The following NALF1 variants were observed in gnomAD, a reference collection of about 807,000 sequenced individuals.
NALF1 encodes the protein family with sequence similarity 155 member A.
Under a neutral mutation model 48.4 loss-of-function variants are expected in NALF1, and 3 were observed. The ratio of observed to expected loss-of-function variants is 0.06; its 90% CI spans 0.03 to 0.16. The LOEUF (loss-of-function observed/expected upper bound fraction) is 0.16, where lower values mean the gene tolerates loss of function less well. NALF1 is among the 10% of genes least tolerant of loss of function. The pLI is 1.00. For synonymous variants in NALF1, 262 were observed against 245.7 expected, an observed-to-expected ratio of 1.07 and a Z score of -0.62; for missense variants, 526 against 571.5, an observed-to-expected ratio of 0.92 and a Z score of 0.81.
intron 1 of NALF1, among the ~76,000 whole-genome samples, chr13:107,500,184 A>C (rs192706468): frequency 2.0e-5 from 3 of 152,324 alleles, no homozygotes; most frequent in Admixed American, 2.0e-4. Flanking sequence ...GTTTTGTTGT[A>C]AAAATTAATG....
intron 1 of NALF1, among the ~76,000 whole-genome samples, chr13:107,762,442 T>TA (rs145529242): frequency 0.059 from 8,984 of 151,482 alleles, 380 homozygotes; most frequent in South Asian, 0.089. Flanking sequence ...AAAATTAAAT[T>TA]AAAAAAAAGG....
intron 1 of NALF1, among the ~76,000 whole-genome samples, chr13:107,515,939 C>A (rs1876037255): frequency 6.6e-6 from 1 of 152,152 alleles, no homozygotes; most frequent in East Asian, 1.9e-4. Context: ...CTGAAAAAAT[C>A]TCACAAAGAG....
intron 1 of NALF1, chr13:107,789,074 T>C (rs1878156128): frequency 6.6e-6 from 1 of 152,126 alleles, no homozygotes; most frequent in Non-Finnish European, 1.5e-5. Context: ...GACCTCTCCC[T>C]CGGGTTGCCG....
intron 1 of NALF1, among the ~76,000 whole-genome samples, chr13:107,238,833 G>T (rs1368188427): frequency 2.0e-5 from 3 of 152,170 alleles, no homozygotes; most frequent in Non-Finnish European, 4.4e-5. Context: ...AAGAAACTTG[G>T]ACTTAGCTTG....
intron 1 of NALF1, among the ~76,000 whole-genome samples, chr13:107,797,054 A>G (rs769210640): frequency 7.9e-5 from 12 of 152,182 alleles, no homozygotes; most frequent in Non-Finnish European, 1.6e-4. Context: ...TGTTTGTTTC[A>G]AAGATCATGG....
chr13:107,171,866 A>C lies in NALF1; in HGVS notation c.1088-1080T>G, dbSNP rs114416261. ...AACTTAAAAATGGGGATAATAGTAG[A>C]GTTGTTGTAAGGATTACATGAGATT... On this transcript the variant is annotated intron_variant, in intron 2 of 2. Transcript: ENST00000375915. Among the ~76,000 whole-genome samples the C allele has an allele frequency of 6.5e-3, 992 of 152,314 alleles. 10 individuals carry two copies. Among genetic ancestry groups the C allele is most frequent in the African/African-American group, 0.023 (952 of 41,566 alleles).
At chr13:107,853,132 A>T (rs1248504420) in intron 1 of NALF1, among the ~76,000 whole-genome samples, 1 of 152,218 alleles carries the variant, frequency 6.6e-6, no homozygotes, top group Non-Finnish European at 1.5e-5. Flanking sequence ...TGAGTGCTGT[A>T]TAGTGTCTTC....
rs553256795 is a variant in NALF1 at position 107,222,169 on chromosome 13, C to T, written c.916-11414G>A. Among the ~76,000 whole-genome samples the T allele has an allele frequency of 4.5e-4, 68 of 152,246 alleles. 1 individual carries two copies. The highest frequency in any genetic ancestry group is 1.5e-3 in the African/African-American group (62 of 41,550). ...CAGAATTATATCTGGAAAAAACAAT[C>T]GCCTATCACTAGAAGTAACCGCCGC... On this transcript the variant is annotated intron_variant, in intron 1 of 2. Transcript: ENST00000375915.
chr13:107,315,574 G>A (rs2138908260), intron 1 of NALF1, among the ~76,000 whole-genome samples: 1 of 152,078 alleles, frequency 6.6e-6, no homozygotes, highest in South Asian at 2.1e-4. Flanking sequence ...AATTTCCAAG[G>A]TACTTTGTTG....
In NALF1 at chr13:107,169,271, T is replaced by C. The variant is rs1878739630; in HGVS notation, c.*1226A>G. 6.6e-6 allele frequency: 1 copy of C among 152,242 alleles called. No individual in the cohort carries two copies. The highest frequency in any genetic ancestry group is 2.4e-5 in the African/African-American group (1 of 41,450). The allele number at this position is 152,242 out of a possible 1,614,324, so 9.4% of individuals were successfully genotyped here. A position where few individuals can be genotyped will look rare whatever the true frequency, so the allele number is the denominator to read the frequency against. On this transcript the variant is annotated 3_prime_UTR_variant, in exon 3 of 3. Transcript: ENST00000375915. ...TGATAATGCAGAATTGCATACACTG[T>C]ATACCTGGAATAATTTTAAACCATA...
chr13:107,617,922 T>A (rs1050864278), intron 1 of NALF1, among the ~76,000 whole-genome samples: 1 of 152,184 alleles, frequency 6.6e-6, no homozygotes, highest in African/African-American at 2.4e-5. Context: ...ATTCTTGGAA[T>A]TGCTTTATAA....
intron 1 of NALF1, among the ~76,000 whole-genome samples, chr13:107,666,991 G>C (rs1044263447): frequency 2.0e-5 from 3 of 152,014 alleles, no homozygotes; most frequent in Admixed American, 6.6e-5. Context: ...ACCATGCATA[G>C]CTTTTTACAT....
intron 1 of NALF1, among the ~76,000 whole-genome samples, chr13:107,490,230 C>A (rs1377940220): frequency 6.6e-6 from 1 of 152,120 alleles, no homozygotes; most frequent in Non-Finnish European, 1.5e-5. Context: ...TGGATATATA[C>A]CCAAAGAAAT....
At chr13:107,274,563 A>C (rs1377239419) in intron 1 of NALF1, among the ~76,000 whole-genome samples, 1 of 152,186 alleles carries the variant, frequency 6.6e-6, no homozygotes, top group Non-Finnish European at 1.5e-5. Flanking sequence ...CCTTGTCTCT[A>C]AAGTAAATAA....
chr13:107,494,942 C>T (rs546548198), intron 1 of NALF1, among the ~76,000 whole-genome samples: 4 of 152,268 alleles, frequency 2.6e-5, no homozygotes, highest in South Asian at 4.1e-4. Flanking sequence ...CTAAGTCTCA[C>T]GAGTAGAGCA....
At chr13:107,221,042 T>C (rs190990589) in intron 1 of NALF1, among the ~76,000 whole-genome samples, 5 of 152,220 alleles carry the variant, frequency 3.3e-5, no homozygotes, top group Admixed American at 3.3e-4. Context: ...AACCAAATAC[T>C]GCATATTCTC....
chr13:107,405,702 A>G (rs1650970485), intron 1 of NALF1, among the ~76,000 whole-genome samples: 2 of 152,042 alleles, frequency 1.3e-5, no homozygotes, highest in African/African-American at 4.8e-5. Context: ...TTAAAGAGGA[A>G]GGAATGAGGT....
chr13:107,586,651 C>A (rs868722384), intron 1 of NALF1, among the ~76,000 whole-genome samples: 1 of 2,826 alleles, frequency 3.5e-4, no homozygotes, highest in Non-Finnish European at 1.1e-3. Flanking sequence ...TTTTTTTTTG[C>A]TAGGAATGAG....
intron 1 of NALF1, among the ~76,000 whole-genome samples, chr13:107,602,791 C>T (rs1594154099): frequency 1.3e-5 from 2 of 152,282 alleles, no homozygotes; most frequent in South Asian, 2.1e-4. Context: ...CTTGCCAACG[C>T]CATCGATAGC....
Sources: gnomAD v4.1 joint callset for allele counts (sites outside exome capture counted in the v4.1 genomes callset) on GRCh38, gnomAD v4.1.1 for gene constraint, MANE v1.5 for transcripts, NCBI Gene and HGNC (gene_info 2026-07-23, HGNC 2026-07-21) for gene names.